DNAI3: variants seen among roughly 807,000 people sequenced by gnomAD.
DNAI3 encodes dynein axonemal intermediate chain 3.
DNAI3 carries 83 observed loss-of-function variants against 115.5 expected under a neutral mutation model. The ratio of observed to expected loss-of-function variants is 0.72; its 90% CI spans 0.60 to 0.86. The LOEUF (loss-of-function observed/expected upper bound fraction) is 0.86. Among genes scored for constraint, DNAI3 ranks in the 40% least tolerant of loss-of-function variants. The pLI is 0.00. For missense variants in DNAI3, 1,004 were observed against 1,075.8 expected, an observed-to-expected ratio of 0.93 and a Z score of 0.93; for synonymous variants, 320 against 347.0, an observed-to-expected ratio of 0.92 and a Z score of 0.86.
intron 22 of DNAI3, 65 bp downstream of exon 22, chr1:85,130,177 C>T: frequency 6.3e-7 from 1 of 1,596,064 alleles, no homozygotes; most frequent in Non-Finnish European, 8.5e-7. Flanking sequence ...ATTTGTTTGG[C>T]TTAATCCACA....
intron 1 of DNAI3, among the ~76,000 whole-genome samples, chr1:85,069,633 A>C (rs1297529978): frequency 6.6e-6 from 1 of 151,876 alleles, no homozygotes; most frequent in Non-Finnish European, 1.5e-5. Flanking sequence ...CGATCCACCC[A>C]CCTCGGCCTC....
chr1:85,068,104 G>T (rs889469682), intron 1 of DNAI3, among the ~76,000 whole-genome samples: 2 of 149,256 alleles, frequency 1.3e-5, no homozygotes, highest in African/African-American at 4.9e-5. Flanking sequence ...AAGGGAAGGA[G>T]GACCAAGGAG....
rs1655632498 is a variant in DNAI3 at position 85,110,673 on chromosome 1, A to C, written c.1786+538A>C. On this transcript the variant is annotated intron_variant, in intron 16 of 22. Coordinates refer to ENST00000294664, the MANE Select transcript of DNAI3 (RefSeq NM_145172.5). ...AAGATTCAGTTCATTTCAGCTTCTC[A>C]AAATATTTATTGAGCACATTTATGT... Among the ~76,000 whole-genome samples, 9 of 152,236 alleles carry C rather than the reference A, an allele frequency of 5.9e-5. No individual in the cohort carries two copies. The South Asian group carries it at 1.9e-3, about 32-fold the overall frequency.
chr1:85,117,604 C>G, intron 16 of DNAI3, 125 bp from the exon 17 acceptor site: 1 of 1,301,228 alleles, frequency 7.7e-7, no homozygotes, highest in Non-Finnish European at 1.1e-6. Context: ...TGGACTTATG[C>G]TCACTACATT....
At chr1:85,102,674 G>C (rs1203586295) in intron 13 of DNAI3, among the ~76,000 whole-genome samples, 1 of 152,162 alleles carries the variant, frequency 6.6e-6, no homozygotes, top group Non-Finnish European at 1.5e-5. Flanking sequence ...AAGTCATCCA[G>C]ATTTTCAAAC....
At chr1:85,112,036 T>C (rs536874780) in intron 16 of DNAI3, among the ~76,000 whole-genome samples, 4 of 150,958 alleles carry the variant, frequency 2.6e-5, no homozygotes, top group African/African-American at 9.7e-5. Flanking sequence ...GAATTTTATG[T>C]AAATCATACA....
Position 85,085,939 on chromosome 1 carries a change from C to A in DNAI3, c.649C>A (p.Pro217Thr). 6.2e-7 allele frequency: 1 copy of A among 1,614,060 alleles called. No individual in the cohort carries two copies. Among genetic ancestry groups the A allele is most frequent in the Non-Finnish European group, 8.5e-7 (1 of 1,180,004 alleles). ...TGCCTATATTGAATGTACAGCCTACCCAGATAAAAATTTTACCCTTAAACA... is the reference window on the plus strand; with the variant it reads ...TGCCTATATTGAATGTACAGCCTACACAGATAAAAATTTTACCCTTAAACA... ...KDAYIECTAY[P>T]DKNFTLKQLE... Residue 217 changes from proline (P) to threonine (T), a missense_variant, in exon 7 of 23, where the codon CCA becomes ACA. Physicochemically the swap from Pro to Thr is conservative, Grantham distance 38. Transcript: ENST00000294664.
At chr1:85,127,770 G>A (rs563941117) in intron 20 of DNAI3, among the ~76,000 whole-genome samples, 2 of 152,100 alleles carry the variant, frequency 1.3e-5, no homozygotes, top group Non-Finnish European at 2.9e-5. Context: ...TTTGCAATTT[G>A]AAGCAGACCT....
chr1:85,066,314 C>CATTTTTT (rs1553164760), intron 1 of DNAI3, among the ~76,000 whole-genome samples: 5 of 70,014 alleles, frequency 7.1e-5, no homozygotes, highest in African/African-American at 6.1e-5. Context: ...TTCTGCTACT[C>CATTTTTT]TTTTTTTTTT....
intron 1 of DNAI3, among the ~76,000 whole-genome samples, chr1:85,066,314 C>CATTTT (rs1553164760): frequency 1.3e-4 from 9 of 70,032 alleles, no homozygotes; most frequent in Admixed American, 1.9e-4. Context: ...TTCTGCTACT[C>CATTTT]TTTTTTTTTT....
intron 16 of DNAI3, among the ~76,000 whole-genome samples, chr1:85,116,652 C>G (rs1043827479): frequency 1.3e-5 from 2 of 152,012 alleles, no homozygotes; most frequent in Non-Finnish European, 2.9e-5. Flanking sequence ...GTACAAAATG[C>G]CTTTTTGCTC....
rs1376552090 is a variant in DNAI3 at position 85,098,581 on chromosome 1, C to T, written c.1402C>T (p.His468Tyr). The change falls in exon 13 of 23, where the codon CAC becomes TAC. Residue 468 changes from histidine to tyrosine, a missense_variant. His to Tyr is a moderately conservative substitution (Grantham distance 83, BLOSUM62 2). Coordinates refer to ENST00000294664, the MANE Select transcript of DNAI3 (RefSeq NM_145172.5). ...ESNKEAMYIR[H>Y]CAVSSIENGH... ...TAATAAAGAAGCAATGTATATCAGA[C>T]ACTGTGCAGTCTCTTCAATAGAAAA... 4 of 1,613,342 alleles carry T rather than the reference C, an allele frequency of 2.5e-6. No individual in the cohort carries two copies. Among genetic ancestry groups the T allele is most frequent in the Middle Eastern group, 3.3e-4 (2 of 6,052 alleles).
intron 13 of DNAI3, among the ~76,000 whole-genome samples, chr1:85,103,113 C>G (rs530325813): frequency 6.6e-6 from 1 of 152,146 alleles, no homozygotes; most frequent in Non-Finnish European, 1.5e-5. Flanking sequence ...ACCTTCCCCA[C>G]CCCTGTTTTC....
intron 16 of DNAI3, among the ~76,000 whole-genome samples, chr1:85,112,254 T>C (rs1655682007): frequency 6.6e-6 from 1 of 152,158 alleles, no homozygotes; most frequent in African/African-American, 2.4e-5. Flanking sequence ...ATTTTAGAAT[T>C]AATTCATGTT....
intron 20 of DNAI3, 22 bp from the exon 21 acceptor site, chr1:85,128,686 C>T: frequency 6.3e-7 from 1 of 1,583,488 alleles, no homozygotes; most frequent in Non-Finnish European, 8.6e-7. Flanking sequence ...TTTTTTCCTC[C>T]CATTTATTTT....
chr1:85,097,589 C>T lies in DNAI3; in HGVS notation c.1284C>T (p.Thr428=), dbSNP rs768061787. The change falls in exon 12 of 23, where the codon ACC becomes ACT. Residue 428 remains threonine (T), a synonymous_variant. Transcript: ENST00000294664. ...INGQIVMWDI[T]AHADRIENIK... is the part of the protein sequence containing the mutation. ...TTTAGATTGTCATGTGGGATATCAC[C>T]GCACATGCAGATCGCATAGAAAACA... 26 of 1,612,280 alleles carry T rather than the reference C, an allele frequency of 1.6e-5. No individual in the cohort carries two copies. Among genetic ancestry groups the T allele is most frequent in the African/African-American group, 5.3e-5 (4 of 74,888 alleles).
intron 13 of DNAI3, among the ~76,000 whole-genome samples, chr1:85,100,915 T>A (rs1317564798): frequency 3.3e-5 from 5 of 151,290 alleles, no homozygotes; most frequent in East Asian, 3.9e-4. Context: ...TAGGTGGGAA[T>A]TGAACAATGA....
intron 14 of DNAI3, among the ~76,000 whole-genome samples, chr1:85,105,112 A>G (rs1449542032): frequency 3.9e-5 from 6 of 152,246 alleles, no homozygotes. Context: ...TAATATCATT[A>G]TCTAGCATCC....
intron 15 of DNAI3, among the ~76,000 whole-genome samples, chr1:85,108,528 G>C (rs1456539838): frequency 6.6e-6 from 1 of 152,130 alleles, no homozygotes. Flanking sequence ...TACAGAAAAA[G>C]GGAGCAGAAA....
Sources: allele counts gnomAD v4.1 joint callset (sites outside exome capture counted in the v4.1 genomes callset), GRCh38; gene constraint gnomAD v4.1.1; transcripts MANE v1.5; gene names NCBI Gene and HGNC (gene_info 2026-07-23, HGNC 2026-07-21).